ARID5B: variants seen among roughly 807,000 people sequenced by gnomAD.
ARID5B encodes AT-rich interaction domain 5B.
Under a neutral mutation model 97.2 loss-of-function variants are expected in ARID5B, and 13 were observed. That is an observed-to-expected ratio of 0.13 (90% CI 0.09 to 0.21). The LOEUF (loss-of-function observed/expected upper bound fraction) is 0.21, where lower values mean the gene tolerates loss of function less well. Among genes scored for constraint, ARID5B ranks in the 10% least tolerant of loss-of-function variants. The pLI, the probability that ARID5B is intolerant of heterozygous loss-of-function variation, is 1.00. For synonymous variants in ARID5B, 556 were observed against 570.3 expected (o/e 0.97, Z 0.36); for missense variants, 1,210 against 1,465.3 (o/e 0.83, Z 2.84).
intron 4 of ARID5B, among the ~76,000 whole-genome samples, chr10:62,050,001 G>A (rs1000694678): frequency 1.2e-4 from 18 of 152,196 alleles, no homozygotes; most frequent in Non-Finnish European, 1.0e-4. Flanking sequence ...TTGGGTGACT[G>A]ATGAAGTTAA....
At chr10:61,920,219 T>G (rs1384609964) in intron 2 of ARID5B, among the ~76,000 whole-genome samples, 5 of 152,126 alleles carry the variant, frequency 3.3e-5, no homozygotes, top group Admixed American at 2.0e-4. Flanking sequence ...GCCATGAAGA[T>G]TGAGGGACAG....
At chr10:61,970,428 T>C (rs1264624183) in intron 3 of ARID5B, among the ~76,000 whole-genome samples, 1 of 152,296 alleles carries the variant, frequency 6.6e-6, no homozygotes, top group East Asian at 1.9e-4. Flanking sequence ...TAAAATACAC[T>C]GTAACATAGA....
intron 3 of ARID5B, among the ~76,000 whole-genome samples, chr10:61,967,383 T>A (rs1265052947): frequency 6.6e-6 from 1 of 152,212 alleles, no homozygotes; most frequent in Non-Finnish European, 1.5e-5. Flanking sequence ...TCAAAGTAAA[T>A]TTTTAATTGA....
Position 62,093,658 on chromosome 10 carries a change from T to C in ARID5B, c.*628T>C, listed in dbSNP as rs1214447978. Reference sequence around the variant, plus strand: ...CTCCCAGTTCCTTCTCGTCTTTTTTTTTTTTTTTTTTTTTTTTTTTATTAA... The same window carrying C: ...CTCCCAGTTCCTTCTCGTCTTTTTTCTTTTTTTTTTTTTTTTTTTTATTAA... On this transcript the variant is annotated 3_prime_UTR_variant, in exon 10 of 10. Transcript: ENST00000279873. The C allele has an allele frequency of 4.5e-6, 1 of 224,398 alleles. No individual in the cohort carries two copies. Among genetic ancestry groups the C allele is most frequent in the Non-Finnish European group, 8.8e-6 (1 of 114,236 alleles). 13.9% of individuals were successfully genotyped at this position (224,398 alleles called of 1,614,324 possible).
At chr10:61,906,636 T>G (rs1646634916) in intron 2 of ARID5B, among the ~76,000 whole-genome samples, 1 of 152,204 alleles carries the variant, frequency 6.6e-6, no homozygotes, top group South Asian at 2.1e-4. Flanking sequence ...ATGTTACAGA[T>G]TCTAGCATGC....
chr10:61,940,168 A>G lies in ARID5B; in HGVS notation c.277-15A>G. 1 of 1,613,364 alleles carries G rather than the reference A, an allele frequency of 6.2e-7. No individual in the cohort carries two copies. Among genetic ancestry groups the G allele is most frequent in the Non-Finnish European group, 8.5e-7 (1 of 1,179,366 alleles). On this transcript the variant is annotated splice_polypyrimidine_tract_variant and intron_variant, in intron 2 of 9. Coordinates refer to ENST00000279873, the MANE Select transcript of ARID5B (RefSeq NM_032199.3). Reference sequence around the variant, plus strand: ...TAAATAACGTTTTTTGTTCTTCCCCAACCACCTCTTGTAGGATGAAGTCAT... The same window carrying G: ...TAAATAACGTTTTTTGTTCTTCCCCGACCACCTCTTGTAGGATGAAGTCAT...
intron 4 of ARID5B, among the ~76,000 whole-genome samples, chr10:62,028,622 G>T (rs1323179574): frequency 6.6e-6 from 1 of 152,024 alleles, no homozygotes; most frequent in Non-Finnish European, 1.5e-5. Flanking sequence ...CACTTCAAGG[G>T]GATATATTAT....
At position 62,091,250 on chromosome 10, in the gene ARID5B, C is replaced by A. The variant is rs748734611; in HGVS notation, c.1787C>A (p.Pro596His). The A allele has an allele frequency of 6.2e-7, 1 of 1,614,106 alleles. No individual in the cohort carries two copies. The highest frequency in any genetic ancestry group is 8.5e-7 in the Non-Finnish European group (1 of 1,179,982). ...AGTGAACCCCAAGAAGCATCCTTCC[C>A]CAGCTTCCCCACCACACAGCCACCG... Reference protein sequence around the residue: ...PESEPQEASFPSFPTTQPPLA... With the variant: ...PESEPQEASFHSFPTTQPPLA... Residue 596 changes from proline (P) to histidine (H), a missense_variant, in exon 10 of 10, where the codon CCC becomes CAC. By Grantham distance (77) the Pro-to-His change is moderately conservative (BLOSUM62 -2). This residue lies in a region of ARID5B where 800 missense variants were observed against 839.1 expected (regional missense o/e 0.95). Coordinates refer to ENST00000279873, the MANE Select transcript of ARID5B (RefSeq NM_032199.3).
At chr10:61,919,463 G>T (rs1843973473) in intron 2 of ARID5B, among the ~76,000 whole-genome samples, 1 of 152,140 alleles carries the variant, frequency 6.6e-6, no homozygotes, top group South Asian at 2.1e-4. Context: ...TAAAGGGAAA[G>T]GTCCCAGCCA....
Position 62,017,490 on chromosome 10 carries a change from C to CT in ARID5B, c.733+17181dup, listed in dbSNP as rs527363249. Among the ~76,000 whole-genome samples, 169 of 144,498 alleles carry CT rather than the reference C, an allele frequency of 1.2e-3. No homozygotes were observed. In the South Asian group the frequency reaches 0.013, roughly 11 times the overall value. The allele number at this position is 144,498 out of a possible 152,430, so 94.8% of individuals were successfully genotyped here. A position where few individuals can be genotyped will look rare whatever the true frequency, so the allele number is the denominator to read the frequency against. On this transcript the variant is annotated intron_variant, in intron 4 of 9. Coordinates refer to ENST00000279873, the MANE Select transcript of ARID5B (RefSeq NM_032199.3). ...AGTCATGGTATTTTGTTTTGTTCTG[C>CT]TTTTTTTTTTTTCTTCAAAAATAGA...
intron 3 of ARID5B, among the ~76,000 whole-genome samples, chr10:61,979,539 T>C (rs952086757): frequency 2.0e-5 from 3 of 152,148 alleles, no homozygotes; most frequent in African/African-American, 7.2e-5. Context: ...TGGTTCCCAA[T>C]TGGAGGTCTT....
chr10:62,075,199 C>A (rs1202523483), intron 8 of ARID5B, among the ~76,000 whole-genome samples: 2 of 152,224 alleles, frequency 1.3e-5, no homozygotes, highest in Admixed American at 1.3e-4. Context: ...AAGGGACCAG[C>A]CCACACTGTT....
chr10:61,979,753 G>C (rs1003315849), intron 3 of ARID5B, among the ~76,000 whole-genome samples: 46 of 152,272 alleles, frequency 3.0e-4, no homozygotes, highest in East Asian at 1.7e-3. Context: ...AATGCCTTTA[G>C]TCCTTTTAAA....
rs1294917292 is a variant in ARID5B at position 62,090,917 on chromosome 10, C to G, written c.1454C>G (p.Pro485Arg). 6.2e-7 allele frequency: 1 copy of G among 1,612,402 alleles called. No homozygotes were observed. The highest frequency in any genetic ancestry group is 1.7e-5 in the Admixed American group (1 of 59,498). ...ACTTTAATAAGCCAGAAAAGCATCC[C>G]TGAGCCTCTCCCAGCAGCAGACATG... ...QETLISQKSI[P>R]EPLPAADMKK... The change falls in exon 10 of 10, where the codon CCT becomes CGT. Residue 485 changes from proline (P) to arginine (R), a missense_variant. Physicochemically the swap from Pro to Arg is moderately radical, Grantham distance 103. Coordinates refer to ENST00000279873, the MANE Select transcript of ARID5B (RefSeq NM_032199.3).
intron 3 of ARID5B, among the ~76,000 whole-genome samples, chr10:61,996,739 TA>T (rs1195718120): frequency 6.6e-6 from 1 of 152,118 alleles, no homozygotes; most frequent in African/African-American, 2.4e-5. Flanking sequence ...CTCGTATTTT[TA>T]GTTAAGAGGG....
At chr10:61,963,540 A>G (rs1214403992) in intron 3 of ARID5B, among the ~76,000 whole-genome samples, 1 of 152,000 alleles carries the variant, frequency 6.6e-6, no homozygotes, top group Non-Finnish European at 1.5e-5. Flanking sequence ...ATCTCAATTG[A>G]AGATCCAGAT....
chr10:61,986,075 C>A (rs1443441913), intron 3 of ARID5B, among the ~76,000 whole-genome samples: 1 of 152,132 alleles, frequency 6.6e-6, no homozygotes, highest in South Asian at 2.1e-4. Flanking sequence ...CTGAGAGGTA[C>A]CTGGGAATAC....
At chr10:61,985,662 A>T (rs888625871) in intron 3 of ARID5B, among the ~76,000 whole-genome samples, 1 of 152,088 alleles carries the variant, frequency 6.6e-6, no homozygotes, top group East Asian at 1.9e-4. Context: ...TAAATTACAT[A>T]TATGTAATCG....
chr10:62,087,236 T>C (rs961519516), intron 9 of ARID5B, among the ~76,000 whole-genome samples: 3 of 127,324 alleles, frequency 2.4e-5, no homozygotes, highest in Non-Finnish European at 3.1e-5. Context: ...GAGGCGGAGC[T>C]TGCAGTGAGC....
Sources: gnomAD v4.1 joint callset for allele counts (sites outside exome capture counted in the v4.1 genomes callset) on GRCh38, gnomAD v4.1.1 for gene constraint, gnomAD v4.1.1 regional missense constraint, MANE v1.5 for transcripts, NCBI Gene and HGNC (gene_info 2026-07-23, HGNC 2026-07-21) for gene names.